The following IL4R variants were observed in gnomAD, a reference collection of about 807,000 sequenced individuals.
The protein encoded by IL4R is interleukin-4 receptor subunit alpha.
A neutral mutation model predicts 41.5 loss-of-function variants in IL4R; 17 were observed. That is an observed-to-expected ratio of 0.41 (90% CI 0.28 to 0.61). The LOEUF (loss-of-function observed/expected upper bound fraction) is 0.61, where lower values mean the gene tolerates loss of function less well. Ranked by LOEUF, IL4R falls within the 20% of genes least tolerant of loss-of-function variation. IL4R has a pLI of 0.31. For synonymous variants in IL4R, 402 were observed against 422.9 expected, an observed-to-expected ratio of 0.95 and a Z score of 0.61; for missense variants, 974 against 1,043.1, an observed-to-expected ratio of 0.93 and a Z score of 0.91.
chr16:27,360,490 T>C (rs898763650), intron 9 of IL4R, among the ~76,000 whole-genome samples: 2 of 152,234 alleles, frequency 1.3e-5, no homozygotes, highest in East Asian at 3.9e-4. Context: ...TCACATTCTA[T>C]GGGCCCAAGC....
chr16:27,328,843 G>C (rs2085034598), intron 1 of IL4R, among the ~76,000 whole-genome samples: 1 of 152,096 alleles, frequency 6.6e-6, no homozygotes, highest in African/African-American at 2.4e-5. Context: ...TATGTTCTTT[G>C]CCTATTTTTC....
At position 27,346,609 on chromosome 16, in the gene IL4R, C is replaced by G. The variant is rs775265328; in HGVS notation, c.504C>G (p.Asp168Glu). The change falls in exon 6 of 11, where the codon GAC becomes GAG. Residue 168 changes from aspartate to glutamate, a missense_variant. By Grantham distance (45) the Asp-to-Glu change is conservative. Transcript: ENST00000395762. Reference protein sequence around the residue: ...TYAVNIWSENDPADFRIYNVT... With the variant: ...TYAVNIWSENEPADFRIYNVT... ...CAGTCAACATTTGGAGTGAAAACGA[C>G]CCGGCAGATGTGAGTGGGCATGCTT... 1 of 1,614,054 alleles carries G rather than the reference C, an allele frequency of 6.2e-7. No individual in the cohort carries two copies. The highest frequency in any genetic ancestry group is 1.3e-5 in the African/African-American group (1 of 75,050).
chr16:27,329,395 G>A (rs948225469), intron 1 of IL4R, among the ~76,000 whole-genome samples: 1 of 152,006 alleles, frequency 6.6e-6, no homozygotes, highest in South Asian at 2.1e-4. Context: ...TTTTAATCTA[G>A]GCCAGACACA....
intron 5 of IL4R, 54 bp from the exon 6 acceptor site, chr16:27,346,413 G>T: frequency 1.3e-6 from 2 of 1,599,242 alleles, no homozygotes; most frequent in Non-Finnish European, 1.7e-6. Context: ...GGCTGGGCTG[G>T]GTGATGGGGG....
chr16:27,358,830 G>A (rs1443537537), intron 8 of IL4R, 86 bp from the exon 9 acceptor site: 2 of 954,412 alleles, frequency 2.1e-6, no homozygotes, highest in East Asian at 2.4e-5. Context: ...TGCCAAATAA[G>A]TATTGGTGAT....
intron 1 of IL4R, among the ~76,000 whole-genome samples, chr16:27,315,084 C>T (rs1032482429): frequency 7.2e-5 from 11 of 152,158 alleles, no homozygotes; most frequent in African/African-American, 2.7e-4. Context: ...TAACCCTGCT[C>T]CAGTTCTAGT....
At chr16:27,354,673 C>T (rs2085996449) in intron 7 of IL4R, among the ~76,000 whole-genome samples, 1 of 152,222 alleles carries the variant, frequency 6.6e-6, no homozygotes, top group Non-Finnish European at 1.5e-5. Flanking sequence ...GCTTCAGTTT[C>T]CCCATCTGTA....
chr16:27,343,253 A>G (rs1168625210), intron 4 of IL4R, among the ~76,000 whole-genome samples: 1 of 152,216 alleles, frequency 6.6e-6, no homozygotes, highest in Non-Finnish European at 1.5e-5. Context: ...TCTAAGGTAG[A>G]TGGGCTGTGC....
chr16:27,346,549 C>T lies in IL4R; in HGVS notation c.444C>T (p.Pro148=), dbSNP rs2085651090. 2.5e-6 allele frequency: 4 copies of T among 1,614,172 alleles called. No homozygotes were observed. The highest frequency in any genetic ancestry group is 3.4e-6 in the Non-Finnish European group (4 of 1,180,026). Residue 148 remains proline (P), a synonymous_variant, in exon 6 of 11, where the codon CCC becomes CCT. Coordinates refer to ENST00000395762, the MANE Select transcript of IL4R (RefSeq NM_000418.4). ...TLLLTWSNPY[P]PDNYLYNHLT... is the part of the protein sequence containing the mutation. The stretch of plus-strand genomic sequence containing the variant: ...TGCTGACCTGGAGCAACCCGTATCC[C>T]CCTGACAATTACCTGTATAATCATC...
At chr16:27,316,864 A>G (rs113794526) in intron 1 of IL4R, among the ~76,000 whole-genome samples, 100 of 151,920 alleles carry the variant, frequency 6.6e-4, no homozygotes, top group African/African-American at 2.3e-3. Flanking sequence ...ACAAAACAGT[A>G]CCTGGTATGT....
intron 6 of IL4R, 73 bp from the exon 7 acceptor site, chr16:27,352,467 G>T (rs960184655): frequency 2.9e-6 from 4 of 1,358,274 alleles, no homozygotes; most frequent in Middle Eastern, 1.8e-4. Context: ...GTCAGCTAAC[G>T]ACAGCAACCA....
At chr16:27,346,935 G>T (rs1188491626) in intron 6 of IL4R, among the ~76,000 whole-genome samples, 2 of 152,218 alleles carry the variant, frequency 1.3e-5, no homozygotes, top group African/African-American at 4.8e-5. Flanking sequence ...CACATTGACA[G>T]CTCACTTGAA....
In IL4R at chr16:27,355,966, T is replaced by G. The variant is rs1026680631; in HGVS notation, c.770+59T>G. ...CTCTGGAGTGCAGGGTGGCAGGGACTTGCCCCTCTAGTCTGCCCCTTTGCA... is the reference window on the plus strand; with the variant it reads ...CTCTGGAGTGCAGGGTGGCAGGGACGTGCCCCTCTAGTCTGCCCCTTTGCA... On this transcript the variant is annotated intron_variant, in intron 8 of 10. Transcript: ENST00000395762. The G allele has an allele frequency of 6.7e-6, 8 of 1,192,590 alleles. No individual in the cohort carries two copies. The African/African-American group carries it at 9.0e-5, about 13-fold the overall frequency. 73.9% of individuals were successfully genotyped at this position (1,192,590 alleles called of 1,614,324 possible). A position where few individuals can be genotyped will look rare whatever the true frequency, so the allele number is the denominator to read the frequency against.
chr16:27,356,045 G>T, intron 8 of IL4R, 138 bp downstream of exon 8: 1 of 574,898 alleles, frequency 1.7e-6, no homozygotes, highest in Non-Finnish European at 3.1e-6. Flanking sequence ...CACCTTGAGA[G>T]TAGAGCTGAG....
At position 27,346,586 on chromosome 16, in the gene IL4R, G is replaced by A; in HGVS notation, c.481G>A (p.Val161Ile). The change falls in exon 6 of 11, where the codon GTC (valine) becomes ATC (isoleucine). Residue 161 changes from valine to isoleucine, a missense_variant. This residue lies in a region of IL4R where 284 missense variants were observed against 313.4 expected (regional missense o/e 0.91). Coordinates refer to ENST00000395762, the MANE Select transcript of IL4R (RefSeq NM_000418.4). ...CCTGTATAATCATCTCACCTATGCAGTCAACATTTGGAGTGAAAACGACCC... is the reference window on the plus strand; with the variant it reads ...CCTGTATAATCATCTCACCTATGCAATCAACATTTGGAGTGAAAACGACCC... ...NYLYNHLTYA[V>I]NIWSENDPAD... The A allele has an allele frequency of 1.9e-6, 3 of 1,614,082 alleles. No individual in the cohort carries two copies. The African/African-American group carries it at 4.0e-5, about 22-fold the overall frequency.
chr16:27,363,215 G>T lies in IL4R; in HGVS notation c.1863G>T (p.Gly621=). 6.2e-7 allele frequency: 1 copy of T among 1,608,782 alleles called. No individual in the cohort carries two copies. The highest frequency in any genetic ancestry group is 8.5e-7 in the Non-Finnish European group (1 of 1,176,958). ...ASSAVSPEKC[G]FGASSGEEGY... is the part of the protein sequence containing the mutation. ...GTGCTGTGTCCCCAGAGAAATGTGGGTTTGGGGCTAGCAGTGGGGAAGAGG... is the reference window on the plus strand; with the variant it reads ...GTGCTGTGTCCCCAGAGAAATGTGGTTTTGGGGCTAGCAGTGGGGAAGAGG... Residue 621 remains glycine (G), a synonymous_variant, in exon 11 of 11, where the codon GGG becomes GGT. Coordinates refer to ENST00000395762, the MANE Select transcript of IL4R (RefSeq NM_000418.4).
chr16:27,353,460 AAAT>A (rs1273496738), intron 7 of IL4R, among the ~76,000 whole-genome samples: 1 of 152,194 alleles, frequency 6.6e-6, no homozygotes, highest in Non-Finnish European at 1.5e-5. Context: ...TAAGATCTAT[AAAT>A]AATAAGTTCT....
Position 27,360,754 on chromosome 16 carries a change from T to A in IL4R, c.850-12T>A. 6.2e-7 allele frequency: 1 copy of A among 1,614,076 alleles called. No homozygotes were observed. The highest frequency in any genetic ancestry group is 1.1e-5 in the South Asian group (1 of 91,072). On this transcript the variant is annotated splice_polypyrimidine_tract_variant and intron_variant, in intron 9 of 10. Transcript: ENST00000395762. ...CCACTCTGCTCTTTCATTGGCTGTC[T>A]CTGTATTTTAGGGGTCACAGTGGGA...
At position 27,363,029 on chromosome 16, in the gene IL4R, C is replaced by T. The variant is rs766083512; in HGVS notation, c.1677C>T (p.Leu559=). 7.4e-6 allele frequency: 12 copies of T among 1,614,058 alleles called. No homozygotes were observed. Among genetic ancestry groups the T allele is most frequent in the Non-Finnish European group, 5.9e-6 (7 of 1,180,052 alleles). Residue 559 remains leucine (L), a synonymous_variant, in exon 11 of 11, where the codon CTC becomes CTT. Coordinates refer to ENST00000395762, the MANE Select transcript of IL4R (RefSeq NM_000418.4). ...TWEQILRRNV[L]QHGAAAAPVS... ...AGCAGATCCTCCGCCGAAATGTCCT[C>T]CAGCATGGGGCAGCTGCAGCCCCCG...
Sources: allele counts gnomAD v4.1 joint callset (sites outside exome capture counted in the v4.1 genomes callset), GRCh38; gene constraint gnomAD v4.1.1; regional missense constraint gnomAD v4.1.1; transcripts MANE v1.5; gene names NCBI Gene and HGNC (gene_info 2026-07-23, HGNC 2026-07-21).